The following GALNTL6 variants were observed in gnomAD, a reference collection of about 807,000 sequenced individuals.
GALNTL6 encodes the protein polypeptide N-acetylgalactosaminyltransferase like 6, also known as polypeptide N-acetylgalactosaminyltransferase-like 6.
Under a neutral mutation model 73.7 loss-of-function variants are expected in GALNTL6, and 46 were observed. The observed-to-expected ratio is 0.62, with a 90% CI of 0.49 to 0.80. The LOEUF is 0.80. GALNTL6 is among the 30% of genes least tolerant of loss of function. GALNTL6 has a pLI of 0.00. For missense variants in GALNTL6, 604 were observed against 755.0 expected (o/e 0.80, Z 2.34); for synonymous variants, 259 against 263.7 (o/e 0.98, Z 0.17).
In GALNTL6 at chr4:172,552,752, T is replaced by C. The variant is rs192499566; in HGVS notation, c.553+204063T>C. ...TAAAAGCGTTTTTTTTTTTTAATTC[T>C]ATATTGCTTTTTCCTGTAGGGTTAC... On this transcript the variant is annotated intron_variant, in intron 5 of 12. Coordinates refer to ENST00000506823, the MANE Select transcript of GALNTL6 (RefSeq NM_001034845.3). Among the ~76,000 whole-genome samples, 1,140 of 147,676 alleles carry C rather than the reference T, an allele frequency of 7.7e-3. 12 individuals are homozygous for C. Among genetic ancestry groups the C allele is most frequent in the Non-Finnish European group, 0.013 (892 of 67,242 alleles).
At chr4:172,211,600 G>C (rs905827812) in intron 2 of GALNTL6, among the ~76,000 whole-genome samples, 18 of 152,056 alleles carry the variant, frequency 1.2e-4, no homozygotes, top group Non-Finnish European at 2.1e-4. Context: ...CATATTCCTG[G>C]GGGCCACACC....
At chr4:172,633,024 C>G (rs546329593) in intron 5 of GALNTL6, among the ~76,000 whole-genome samples, 1 of 152,286 alleles carries the variant, frequency 6.6e-6, no homozygotes, top group East Asian at 1.9e-4. Flanking sequence ...TCATAGGATG[C>G]GTGGAAATGC....
chr4:172,516,447 C>A (rs1734609285), intron 5 of GALNTL6, among the ~76,000 whole-genome samples: 1 of 152,062 alleles, frequency 6.6e-6, no homozygotes, highest in Non-Finnish European at 1.5e-5. Flanking sequence ...AATAAAGGAA[C>A]CAAAGTTCCT....
chr4:172,682,615 T>G (rs1732689597), intron 5 of GALNTL6, among the ~76,000 whole-genome samples: 1 of 152,146 alleles, frequency 6.6e-6, no homozygotes, highest in Non-Finnish European at 1.5e-5. Flanking sequence ...TTTGCCAATA[T>G]TTGCTAAATT....
At chr4:172,607,807 A>G (rs564509712) in intron 5 of GALNTL6, among the ~76,000 whole-genome samples, 1 of 152,222 alleles carries the variant, frequency 6.6e-6, no homozygotes, top group African/African-American at 2.4e-5. Context: ...GTGAGATGGT[A>G]TCTCACTGTG....
intron 7 of GALNTL6, among the ~76,000 whole-genome samples, chr4:172,857,613 G>T (rs527790648): frequency 2.6e-5 from 4 of 152,160 alleles, no homozygotes; most frequent in African/African-American, 4.8e-5. Context: ...TGAGAAAATT[G>T]TATTGGGGTC....
chr4:172,372,503 G>T (rs374496062), intron 5 of GALNTL6, among the ~76,000 whole-genome samples: 8 of 152,114 alleles, frequency 5.3e-5, no homozygotes, highest in South Asian at 2.1e-4. Context: ...ACAACTACCC[G>T]TAAAACAGTG....
intron 2 of GALNTL6, among the ~76,000 whole-genome samples, chr4:172,096,387 C>T (rs7699894): frequency 0.94 from 143,511 of 152,274 alleles, 68,189 homozygotes; most frequent in East Asian, 1. Context: ...GAGCCACTGC[C>T]GGGCTTGGCC....
intron 5 of GALNTL6, among the ~76,000 whole-genome samples, chr4:172,637,474 C>T (rs1352800389): frequency 6.6e-6 from 1 of 152,046 alleles, no homozygotes; most frequent in African/African-American, 2.4e-5. Context: ...CTGTATTTAC[C>T]TTTCATTAAC....
At position 172,956,256 on chromosome 4, in the gene GALNTL6, T is replaced by C. The variant is rs988159938; in HGVS notation, c.1371+3998T>C. Among the ~76,000 whole-genome samples, 12 of 151,464 alleles carry C rather than the reference T, an allele frequency of 7.9e-5. No homozygotes were observed. The East Asian group carries it at 2.3e-3, about 30-fold the overall frequency. Reference sequence around the variant, plus strand: ...TGAAGGAAGATTTTGTGGTAAGGGGTGATATTGTGGGGTTGTTAGAAGAAA... The same window carrying C: ...TGAAGGAAGATTTTGTGGTAAGGGGCGATATTGTGGGGTTGTTAGAAGAAA... On this transcript the variant is annotated intron_variant, in intron 10 of 12. Coordinates refer to ENST00000506823, the MANE Select transcript of GALNTL6 (RefSeq NM_001034845.3).
intron 5 of GALNTL6, among the ~76,000 whole-genome samples, chr4:172,557,785 T>C (rs1736201419): frequency 6.6e-6 from 1 of 152,220 alleles, no homozygotes; most frequent in Non-Finnish European, 1.5e-5. Context: ...TTTCATACAT[T>C]GCTGATTGGA....
chr4:172,555,820 T>G (rs560027456), intron 5 of GALNTL6, among the ~76,000 whole-genome samples: 41 of 152,206 alleles, frequency 2.7e-4, no homozygotes, highest in African/African-American at 9.4e-4. Flanking sequence ...ATTAGTGTAA[T>G]GAGAATAGTG....
chr4:172,556,964 T>C (rs1407775343), intron 5 of GALNTL6, among the ~76,000 whole-genome samples: 2 of 152,132 alleles, frequency 1.3e-5, no homozygotes, highest in East Asian at 1.9e-4. Flanking sequence ...TTTTCTATTA[T>C]AGAGATTTAG....
At chr4:172,616,489 C>A (rs1738736064) in intron 5 of GALNTL6, among the ~76,000 whole-genome samples, 1 of 148,092 alleles carries the variant, frequency 6.8e-6, no homozygotes, top group Non-Finnish European at 1.5e-5. Context: ...AAATTATATT[C>A]AACTCCACTC....
At chr4:171,956,651 AT>A (rs1739058364) in intron 2 of GALNTL6, among the ~76,000 whole-genome samples, 1 of 152,090 alleles carries the variant, frequency 6.6e-6, no homozygotes, top group Non-Finnish European at 1.5e-5. Context: ...TTTTATTATC[AT>A]TTTTAAAATT....
chr4:172,111,087 G>A (rs953670094), intron 2 of GALNTL6, among the ~76,000 whole-genome samples: 30 of 151,850 alleles, frequency 2.0e-4, no homozygotes, highest in African/African-American at 7.0e-4. Context: ...CAGGCAATCA[G>A]CATCATTAGA....
chr4:172,452,254 A>G (rs1456319901), intron 5 of GALNTL6, among the ~76,000 whole-genome samples: 3 of 152,040 alleles, frequency 2.0e-5, no homozygotes, highest in Non-Finnish European at 4.4e-5. Context: ...ATGAATCTAT[A>G]CTTATAAAAG....
chr4:171,937,465 C>T (rs1738385925), intron 2 of GALNTL6, among the ~76,000 whole-genome samples: 1 of 152,020 alleles, frequency 6.6e-6, no homozygotes, highest in Non-Finnish European at 1.5e-5. Flanking sequence ...TATAAAAGAG[C>T]ATGTGATTTA....
chr4:172,731,653 T>C (rs975551698), intron 5 of GALNTL6, among the ~76,000 whole-genome samples: 1 of 152,104 alleles, frequency 6.6e-6, no homozygotes, highest in Admixed American at 6.5e-5. Flanking sequence ...TAATTTGAAG[T>C]CTTTCTACTT....
Sources: allele counts gnomAD v4.1 joint callset (sites outside exome capture counted in the v4.1 genomes callset), GRCh38; gene constraint gnomAD v4.1.1; transcripts MANE v1.5; gene names NCBI Gene and HGNC (gene_info 2026-07-23, HGNC 2026-07-21).